Variants in PLEC observed in about 807,000 individuals in gnomAD.
The protein encoded by PLEC is hemidesmosomal protein 1.
PLEC carries 216 observed loss-of-function variants against 392.8 expected under a neutral mutation model. The ratio of observed to expected loss-of-function variants is 0.55; its 90% CI spans 0.49 to 0.62. PLEC has a LOEUF of 0.62. PLEC is among the 20% of genes least tolerant of loss of function. The probability of loss-of-function intolerance (pLI) is 0.00; values close to 1 mark genes in which losing one functional copy is unlikely to be tolerated. For missense variants in PLEC, 6,863 were observed against 6,563.4 expected, an observed-to-expected ratio of 1.05 and a Z score of -1.58; for synonymous variants, 3,621 against 2,980.6, an observed-to-expected ratio of 1.21 and a Z score of -7.00.
Position 143,966,848 on chromosome 8 carries a change from C to T in PLEC, c.70+6555G>A, listed in dbSNP as rs1022441830. Among the ~76,000 whole-genome samples, 9 of 152,262 alleles carry T rather than the reference C, an allele frequency of 5.9e-5. No individual in the cohort carries two copies. The South Asian group carries it at 1.5e-3, about 25-fold the overall frequency. On this transcript the variant is annotated intron_variant, in intron 1 of 31. Transcript: ENST00000356346. ...CAAGCCCACGGCCAGACCCTATGAG[C>T]GTGACACCAAGCATGACATCGAGCC...
Position 143,921,893 on chromosome 8 carries a change from T to C in PLEC, c.7928A>G (p.Glu2643Gly), listed in dbSNP as rs782259091. Residue 2643 changes from glutamate to glycine, a missense_variant, in exon 32 of 32, where the codon GAG becomes GGG. Coordinates refer to ENST00000345136, the MANE Select transcript of PLEC (RefSeq NM_201384.3). The part of the protein sequence containing the change: ...LDGPAAEAEP[E>G]HSFDGLRRKV... The stretch of plus-strand genomic sequence containing the variant: ...CCGCCGCAGGCCATCGAAGCTGTGC[T>C]CCGGCTCTGCCTCTGCCGCGGGGCC... The C allele has an allele frequency of 1.3e-4, 211 of 1,600,638 alleles. No homozygotes were observed. The highest frequency in any genetic ancestry group is 5.0e-4 in the Middle Eastern group (3 of 6,056).
chr8:143,944,907 G>A (rs1052909988), intron 1 of PLEC, among the ~76,000 whole-genome samples: 5 of 152,114 alleles, frequency 3.3e-5, no homozygotes, highest in African/African-American at 1.2e-4. Context: ...GACGCACGGC[G>A]CCAGGGCACC....
Position 143,923,863 on chromosome 8 carries a change from C to A in PLEC, c.6066G>T (p.Arg2022=). The A allele has an allele frequency of 6.3e-7, 1 of 1,592,482 alleles. No homozygotes were observed. The highest frequency in any genetic ancestry group is 8.5e-7 in the Non-Finnish European group (1 of 1,177,084). The change falls in exon 31 of 32, where the codon CGG becomes CGT. Residue 2022 remains arginine, a synonymous_variant. Coordinates refer to ENST00000345136, the MANE Select transcript of PLEC (RefSeq NM_201384.3). The part of the protein sequence containing the change: ...ERLKAKVEEA[R]RLRERAEQES... Reference sequence around the variant, plus strand: ...CCTGCTCCGCTCGCTCCCGCAGGCGCCGCGCCTCCTCCACCTTGGCTTTCA... The same window carrying A: ...CCTGCTCCGCTCGCTCCCGCAGGCGACGCGCCTCCTCCACCTTGGCTTTCA...
Position 143,916,714 on chromosome 8 carries a change from C to T in PLEC, c.13107G>A (p.Ser4369=), listed in dbSNP as rs782475793. The T allele has an allele frequency of 3.8e-5, 61 of 1,612,772 alleles. No homozygotes were observed. The highest frequency in any genetic ancestry group is 5.5e-5 in the South Asian group (5 of 91,074). ...AGCCCTTCTTCAGGGCCTGGGCGGC[C>T]GACATCTTGGTCTTGGTGCGTGGGT... ...FEDPRTKTKM[S]AAQALKKGWL... The change falls in exon 32 of 32, where the codon TCG becomes TCA. Residue 4369 remains serine, a synonymous_variant. Coordinates refer to ENST00000345136, the MANE Select transcript of PLEC (RefSeq NM_201384.3).
intron 5 of PLEC, 65 bp downstream of exon 5, chr8:143,936,914 C>G: frequency 1.5e-6 from 2 of 1,298,036 alleles, no homozygotes; most frequent in Non-Finnish European, 2.2e-6. Context: ...ACCCGCCAGC[C>G]AAGGAGCCCA....
chr8:143,931,917 G>A lies in PLEC; in HGVS notation c.2178+20C>T. ...AAGGCTGCCGCTGAGCCACAGTGCG[G>A]AGGGGGCTCCGGTTCTCACCTGAAA... On this transcript the variant is annotated intron_variant, in intron 18 of 31. Coordinates refer to ENST00000345136, the MANE Select transcript of PLEC (RefSeq NM_201384.3). 3 of 1,591,678 alleles carry A rather than the reference G, an allele frequency of 1.9e-6. No homozygotes were observed. Among genetic ancestry groups the A allele is most frequent in the Non-Finnish European group, 2.6e-6 (3 of 1,167,938 alleles).
At position 143,938,213 on chromosome 8, in the gene PLEC, C is replaced by G; in HGVS notation, c.202G>C (p.Glu68Gln). ...AGGTTGTGGCCATCGCGGAGGTCTTCATACAGGTCACTGATGTGCCTCTGG... is the reference window on the plus strand; with the variant it reads ...AGGTTGTGGCCATCGCGGAGGTCTTGATACAGGTCACTGATGTGCCTCTGG... ...KAQRHISDLY[E>Q]DLRDGHNLIS... Residue 68 changes from glutamate (E) to glutamine (Q), a missense_variant, in exon 3 of 32, where the codon GAA becomes CAA. Transcript: ENST00000345136. The G allele has an allele frequency of 6.2e-7, 1 of 1,606,842 alleles. No homozygotes were observed. The highest frequency in any genetic ancestry group is 8.5e-7 in the Non-Finnish European group (1 of 1,177,984).
intron 1 of PLEC, among the ~76,000 whole-genome samples, chr8:143,962,226 T>A (rs782538333): frequency 6.6e-6 from 1 of 152,090 alleles, no homozygotes; most frequent in Non-Finnish European, 1.5e-5. Context: ...AAAGCAAGTG[T>A]CCTTAGACGA....
At chr8:143,934,153 A>C in intron 11 of PLEC, 62 bp from the exon 12 acceptor site, 5 of 1,592,180 alleles carry the variant, frequency 3.1e-6, no homozygotes, top group Non-Finnish European at 4.3e-6. Context: ...CTGGCCACAG[A>C]CTGCAGCTCG....
chr8:143,938,450 A>T, intron 2 of PLEC, 181 bp downstream of exon 2: 1 of 1,543,524 alleles, frequency 6.5e-7, no homozygotes. Context: ...CAGAAGGAAG[A>T]GGAGGAAGAG....
At chr8:143,953,038 C>T (rs558464012), upstream of PLEC, among the ~76,000 whole-genome samples, 1 of 146,348 alleles carries the variant, frequency 6.8e-6, no homozygotes, top group Non-Finnish European at 1.5e-5. Context: ...CACACCCCCC[C>T]CGAAGCACAC....
upstream of PLEC, chr8:143,958,451 C>A (rs2132841045): frequency 3.3e-6 from 1 of 307,560 alleles, no homozygotes; most frequent in East Asian, 8.5e-5. The surrounding 1 kb of genome is among the most constrained non-coding windows in gnomAD (Gnocchi z 4.9). Flanking sequence ...TCCTGGGTCC[C>A]ACCCACATGA....
At position 143,934,074 on chromosome 8, in the gene PLEC, C is replaced by G. The variant is rs893559839; in HGVS notation, c.1187G>C (p.Arg396Pro). The part of the protein sequence containing the change: ...SEFERLECLQ[R>P]IVTKLQMEAG... ...CTCCATCTGCAGCTTGGTCACGATG[C>G]GCTGAAGACACTCCAGCCTGCAGCA... Residue 396 changes from arginine to proline, a missense_variant, in exon 12 of 32, where the codon CGC (arginine) becomes CCC (proline). Physicochemically the swap from Arg to Pro is moderately radical, Grantham distance 103. Coordinates refer to ENST00000345136, the MANE Select transcript of PLEC (RefSeq NM_201384.3). 3.1e-6 allele frequency: 5 copies of G among 1,611,558 alleles called. No homozygotes were observed. Among genetic ancestry groups the G allele is most frequent in the Non-Finnish European group, 4.2e-6 (5 of 1,179,484 alleles).
At position 143,916,820 on chromosome 8, in the gene PLEC, T is replaced by C; in HGVS notation, c.13001A>G (p.Asp4334Gly). The C allele has an allele frequency of 6.2e-7, 1 of 1,612,838 alleles. No homozygotes were observed. Among genetic ancestry groups the C allele is most frequent in the Non-Finnish European group, 8.5e-7 (1 of 1,179,920 alleles). Residue 4334 changes from aspartate (D) to glycine (G), a missense_variant, in exon 32 of 32, where the codon GAC becomes GGC. Transcript: ENST00000345136. ...GTCCACCAGGCCCTTGTTGACGGCG[T>C]CGGTGACAGGGAAGCGCTCACCGGT... is the stretch of plus-strand genomic sequence containing the variant. ...PSTGERFPVT[D>G]AVNKGLVDKI...
In PLEC at chr8:143,938,695, G is replaced by T. The variant is rs1587225364; in HGVS notation, c.113-3C>A. The T allele has an allele frequency of 1.2e-6, 2 of 1,613,512 alleles. No individual in the cohort carries two copies. The highest frequency in any genetic ancestry group is 1.7e-5 in the Admixed American group (1 of 60,018). ...CTTCTGCACACGATCCCGCTCATCT[G>T]GGGGAGACAAGACCAGCTTACCTGG... On this transcript the variant is annotated splice_polypyrimidine_tract_variant and splice_region_variant and intron_variant, in intron 1 of 31. Coordinates refer to ENST00000345136, the MANE Select transcript of PLEC (RefSeq NM_201384.3).
At position 143,934,954 on chromosome 8, in the gene PLEC, CAG is replaced by C. The variant is rs782651476; in HGVS notation, c.826-27_826-26del. 5.8e-5 allele frequency: 94 copies of C among 1,610,446 alleles called. 1 individual carries two copies. The highest frequency in any genetic ancestry group is 1.6e-4 in the Middle Eastern group (1 of 6,078). ...CCTGCGGGCAGGCACGGGCGGCTGT[CAG>C]GGGTCGTCGGGGCGTCCAGGCCCAA... On this transcript the variant is annotated intron_variant, in intron 8 of 31. Transcript: ENST00000345136.
At chr8:143,957,795 C>T (rs1414010569), upstream of PLEC, among the ~76,000 whole-genome samples, 5 of 152,082 alleles carry the variant, frequency 3.3e-5, no homozygotes, top group African/African-American at 4.8e-5. Flanking sequence ...CCTGCCCCAT[C>T]TTCACGCCCA....
intron 25 of PLEC, among the ~76,000 whole-genome samples, chr8:143,928,630 G>C (rs1826071507): frequency 7.9e-6 from 1 of 126,246 alleles, no homozygotes; most frequent in African/African-American, 5.3e-5. Flanking sequence ...AGAGGCGGCG[G>C]CCCTATCACT....
chr8:143,970,363 G>C (rs1833358415), intron 1 of PLEC, among the ~76,000 whole-genome samples: 2 of 152,050 alleles, frequency 1.3e-5, no homozygotes, highest in African/African-American at 4.8e-5. Flanking sequence ...CACACCTCTG[G>C]GTTCAGGCTC....
Sources: allele counts gnomAD v4.1 joint callset (sites outside exome capture counted in the v4.1 genomes callset), GRCh38; gene constraint gnomAD v4.1.1; non-coding constraint Gnocchi (gnomAD v3.1); transcripts MANE v1.5; gene names NCBI Gene and HGNC (gene_info 2026-07-23, HGNC 2026-07-21).